NPSR1: variants seen among roughly 807,000 people sequenced by gnomAD.
The protein encoded by NPSR1 is neuropeptide S receptor 1.
Under a neutral mutation model 46.9 loss-of-function variants are expected in NPSR1, and 48 were observed. That is an observed-to-expected ratio of 1.02 (90% CI 0.81 to 1.30). The LOEUF (loss-of-function observed/expected upper bound fraction) is 1.30. NPSR1 is among the 50% of genes most tolerant of loss of function. NPSR1 has a pLI of 0.00. For missense variants in NPSR1, 450 were observed against 449.5 expected (o/e 1.00, Z -0.01); for synonymous variants, 176 against 168.1 (o/e 1.05, Z -0.36).
At chr7:34,683,167 G>A (rs774288316) in intron 1 of NPSR1, among the ~76,000 whole-genome samples, 1 of 152,162 alleles carries the variant, frequency 6.6e-6, no homozygotes, top group East Asian at 1.9e-4. Flanking sequence ...TAGAAGGCCA[G>A]GTGCGGTGGC....
chr7:34,768,652 T>C (rs929181143), intron 2 of NPSR1, among the ~76,000 whole-genome samples: 2 of 152,198 alleles, frequency 1.3e-5, no homozygotes, highest in Admixed American at 6.5e-5. Flanking sequence ...TATAATATTA[T>C]ATAAAACATC....
In NPSR1 at chr7:34,832,581, G is replaced by A. The variant is rs564715326; in HGVS notation, c.681-1803G>A. ...ATGCTTGATCACTAAGCTCCAAGAA[G>A]TAGTCTGATTTGGCAATAATACCCT... On this transcript the variant is annotated intron_variant, in intron 5 of 8. Transcript: ENST00000360581. 5.3e-5 allele frequency among the ~76,000 whole-genome samples: 8 copies of A among 152,248 alleles called. No homozygotes were observed. In the East Asian group the frequency reaches 1.5e-3, roughly 29 times the overall value.
intron 2 of NPSR1, among the ~76,000 whole-genome samples, chr7:34,699,520 T>C (rs923009660): frequency 6.6e-6 from 1 of 152,134 alleles, no homozygotes; most frequent in East Asian, 1.9e-4. Context: ...AGAAATTTAT[T>C]TCCTCGCAGT....
chr7:34,829,026 A>T (rs1339440752), intron 5 of NPSR1, among the ~76,000 whole-genome samples: 1 of 152,194 alleles, frequency 6.6e-6, no homozygotes, highest in Admixed American at 6.5e-5. Context: ...TTTAATTACT[A>T]AGCTGGTGGC....
chr7:34,830,245 A>G (rs1432340550), intron 5 of NPSR1, among the ~76,000 whole-genome samples: 2 of 152,162 alleles, frequency 1.3e-5, no homozygotes, highest in Non-Finnish European at 2.9e-5. Flanking sequence ...TAAATTCTTC[A>G]TTTCAAGCTT....
intron 2 of NPSR1, among the ~76,000 whole-genome samples, chr7:34,712,556 A>G (rs1783353629): frequency 6.6e-6 from 1 of 152,246 alleles, no homozygotes; most frequent in African/African-American, 2.4e-5. Flanking sequence ...TCAAAAATTA[A>G]GAACCACTAT....
At chr7:34,877,480 G>C (rs142070963) in intron 8 of NPSR1, among the ~76,000 whole-genome samples, 9,879 of 152,242 alleles carry the variant, frequency 0.065, 450 homozygotes, top group Middle Eastern at 0.17. Context: ...TGGGGGTCTG[G>C]GAAGGGGATG....
chr7:34,748,427 C>A (rs1050938428), intron 2 of NPSR1, among the ~76,000 whole-genome samples: 6 of 152,154 alleles, frequency 3.9e-5, no homozygotes, highest in African/African-American at 1.4e-4. Flanking sequence ...CCCAGGGTGA[C>A]CAGACAGAAA....
chr7:34,865,419 G>A (rs1791288697), intron 8 of NPSR1, among the ~76,000 whole-genome samples: 1 of 151,666 alleles, frequency 6.6e-6, no homozygotes, highest in East Asian at 1.9e-4. Context: ...AGAGGGCGAG[G>A]CTGAGCTGAG....
rs532989870 is a variant in NPSR1 at position 34,756,664 on chromosome 7, T to A, written c.281-21798T>A. On this transcript the variant is annotated intron_variant, in intron 2 of 8. Transcript: ENST00000360581. Reference sequence around the variant, plus strand: ...TGTGCCTGGGCATATATTTCTTTTTTAAAAAATATTTTCTAACCAGTAAAA... The same window carrying A: ...TGTGCCTGGGCATATATTTCTTTTTAAAAAAATATTTTCTAACCAGTAAAA... Among the ~76,000 whole-genome samples the A allele has an allele frequency of 3.3e-5, 5 of 152,344 alleles. No individual in the cohort carries two copies. In the South Asian group the frequency reaches 1.0e-3, roughly 32 times the overall value.
downstream of NPSR1, chr7:34,850,007 G>A (rs1451673450): frequency 3.9e-6 from 4 of 1,026,990 alleles, no homozygotes; most frequent in African/African-American, 5.1e-5. Flanking sequence ...AAGGTAGCTG[G>A]GTTATACATG....
At chr7:34,731,830 C>T (rs534484122) in intron 2 of NPSR1, among the ~76,000 whole-genome samples, 4 of 152,066 alleles carry the variant, frequency 2.6e-5, no homozygotes, top group Admixed American at 1.3e-4. Flanking sequence ...ATGAATAGAA[C>T]GTGTGAAAAG....
intron 8 of NPSR1, chr7:34,871,448 C>T (rs1791450707): frequency 6.6e-6 from 1 of 151,738 alleles, no homozygotes; most frequent in Non-Finnish European, 1.5e-5. Context: ...ATCATTTCAC[C>T]TCTGGCCCCC....
chr7:34,829,518 C>T (rs1052109232), intron 5 of NPSR1, among the ~76,000 whole-genome samples: 2 of 152,202 alleles, frequency 1.3e-5, no homozygotes, highest in African/African-American at 4.8e-5. Context: ...TTGTGTCATC[C>T]TGAGCAACTG....
chr7:34,842,012 C>T (rs534275604), intron 6 of NPSR1, among the ~76,000 whole-genome samples: 46 of 152,296 alleles, frequency 3.0e-4, no homozygotes, highest in African/African-American at 1.0e-3. Flanking sequence ...GACAATCAAA[C>T]GTAATAATAC....
chr7:34,831,726 G>C (rs1327605964), intron 5 of NPSR1, among the ~76,000 whole-genome samples: 1 of 152,138 alleles, frequency 6.6e-6, no homozygotes, highest in Admixed American at 6.6e-5. Context: ...ATTAGCCCTG[G>C]TGTAATTGCT....
At chr7:34,733,470 A>G (rs1784532071) in intron 2 of NPSR1, among the ~76,000 whole-genome samples, 1 of 152,118 alleles carries the variant, frequency 6.6e-6, no homozygotes, top group South Asian at 2.1e-4. Context: ...CTTGCAGAGC[A>G]AAAGTACTAT....
chr7:34,848,329 A>G (rs1215265595), intron 7 of NPSR1, among the ~76,000 whole-genome samples, 154 bp from the exon 8 acceptor site: 1 of 152,204 alleles, frequency 6.6e-6, no homozygotes. Context: ...TTAAGTGAAT[A>G]TGACATCAAT....
At chr7:34,852,331 G>A (rs774664713), downstream of NPSR1, among the ~76,000 whole-genome samples, 2 of 152,008 alleles carry the variant, frequency 1.3e-5, no homozygotes, top group Non-Finnish European at 2.9e-5. Context: ...AAGAGAGAGA[G>A]AGAGGAAGGG....
Sources: gnomAD v4.1 joint callset for allele counts (sites outside exome capture counted in the v4.1 genomes callset) on GRCh38, gnomAD v4.1.1 for gene constraint, MANE v1.5 for transcripts, NCBI Gene and HGNC (gene_info 2026-07-23, HGNC 2026-07-21) for gene names.